The following BOD1L1 variants were observed in gnomAD, a reference collection of about 807,000 sequenced individuals.
The protein encoded by BOD1L1 is biorientation of chromosomes in cell division protein 1-like 1.
Under a neutral mutation model 240.7 loss-of-function variants are expected in BOD1L1, and 86 were observed. The ratio of observed to expected loss-of-function variants is 0.36; its 90% CI spans 0.30 to 0.43. The LOEUF (loss-of-function observed/expected upper bound fraction) is 0.43, where lower values mean the gene tolerates loss of function less well. BOD1L1 is among the 20% of genes least tolerant of loss of function. BOD1L1 has a pLI of 1.00. For missense variants in BOD1L1, 3,554 were observed against 3,643.5 expected (o/e 0.98, Z 0.63); for synonymous variants, 1,268 against 1,272.3 (o/e 1.00, Z 0.07).
In BOD1L1 at chr4:13,603,169, C is replaced by G; in HGVS notation, c.3731G>C (p.Ser1244Thr). The change falls in exon 10 of 26, where the codon AGT becomes ACT. Residue 1244 changes from serine to threonine, a missense_variant. Physicochemically the swap from Ser to Thr is moderately conservative, Grantham distance 58. This residue lies in a region of BOD1L1 where 3,393 missense variants were observed against 3,427.1 expected (regional missense o/e 0.99). Coordinates refer to ENST00000040738, the MANE Select transcript of BOD1L1 (RefSeq NM_148894.3). ...TACCCTATCATTTTCTGATGGGGCACTCAGTAACATTCTATGAACAGTTTC... is the reference window on the plus strand; with the variant it reads ...TACCCTATCATTTTCTGATGGGGCAGTCAGTAACATTCTATGAACAGTTTC... Reference protein sequence around the residue: ...DSETVHRMLLSAPSENDRVQK... With the variant: ...DSETVHRMLLTAPSENDRVQK... 6.2e-7 allele frequency: 1 copy of G among 1,614,046 alleles called. No homozygotes were observed. The highest frequency in any genetic ancestry group is 2.2e-5 in the East Asian group (1 of 44,886).
At chr4:13,598,915 T>C (rs759579862) in intron 10 of BOD1L1, 31 bp downstream of exon 10, 3 of 1,557,078 alleles carry the variant, frequency 1.9e-6, no homozygotes, top group Non-Finnish European at 2.6e-6. Flanking sequence ...CTTGTAAATA[T>C]TAAAATTTGC....
At chr4:13,579,218 T>A (rs1296172819) in intron 22 of BOD1L1, among the ~76,000 whole-genome samples, 3 of 152,144 alleles carry the variant, frequency 2.0e-5, no homozygotes, top group Admixed American at 2.0e-4. Context: ...TTAATTGGAG[T>A]CCTTAAAGGG....
At chr4:13,611,703 T>C (rs1716183298) in intron 5 of BOD1L1, among the ~76,000 whole-genome samples, 1 of 152,242 alleles carries the variant, frequency 6.6e-6, no homozygotes, top group African/African-American at 2.4e-5. Context: ...AGAGTTCTCT[T>C]GACAAACAAT....
At position 13,579,999 on chromosome 4, in the gene BOD1L1, A is replaced by C. The variant is rs202241285; in HGVS notation, c.8704-26T>G. Reference sequence around the variant, plus strand: ...CTATGTTTAAATAAACAAACAAAAAAAAATTTTAAATCAGCAGTTTATAAT... The same window carrying C: ...CTATGTTTAAATAAACAAACAAAAACAAATTTTAAATCAGCAGTTTATAAT... On this transcript the variant is annotated intron_variant, in intron 21 of 25. Coordinates refer to ENST00000040738, the MANE Select transcript of BOD1L1 (RefSeq NM_148894.3). The C allele has an allele frequency of 6.9e-4, 1,047 of 1,512,018 alleles. 1 individual carries two copies. The highest frequency in any genetic ancestry group is 8.5e-4 in the Non-Finnish European group (945 of 1,111,888). The allele number at this position is 1,512,018 out of a possible 1,614,324, so 93.7% of individuals were successfully genotyped here.
intron 17 of BOD1L1, among the ~76,000 whole-genome samples, chr4:13,583,425 T>G (rs1025662909): frequency 2.6e-5 from 4 of 152,224 alleles, no homozygotes; most frequent in African/African-American, 9.6e-5. Flanking sequence ...AAATATATTC[T>G]TGTGGTTCAA....
chr4:13,592,001 G>A, intron 12 of BOD1L1, 35 bp from the exon 13 acceptor site: 1 of 1,473,118 alleles, frequency 6.8e-7, no homozygotes, highest in Non-Finnish European at 9.1e-7. Flanking sequence ...TAAAGAAACT[G>A]AATATTGTTT....
intron 6 of BOD1L1, 41 bp from the exon 7 acceptor site, chr4:13,609,447 CAAAAACACACTGAAAAA>C: frequency 4.9e-6 from 6 of 1,212,960 alleles, no homozygotes; most frequent in Non-Finnish European, 6.7e-6. Flanking sequence ...TAGGCAAAGG[CAAAAACACACTGAAAAA>C]TTGTATTTTT....
intron 13 of BOD1L1, 52 bp from the exon 14 acceptor site, chr4:13,590,498 G>C: frequency 1.1e-6 from 1 of 945,700 alleles, no homozygotes; most frequent in Non-Finnish European, 1.5e-6. Context: ...AAAATTTAAA[G>C]GCAAAAAGAA....
At position 13,601,466 on chromosome 4, in the gene BOD1L1, T is replaced by C. The variant is rs1312669826; in HGVS notation, c.5434A>G (p.Ser1812Gly). 2 of 1,614,074 alleles carry C rather than the reference T, an allele frequency of 1.2e-6. No individual in the cohort carries two copies. The highest frequency in any genetic ancestry group is 4.5e-5 in the East Asian group (2 of 44,890). Residue 1812 changes from serine (S) to glycine (G), a missense_variant, in exon 10 of 26, where the codon AGC (serine) becomes GGC (glycine). Around this residue, in one of 2 missense-constraint regions of BOD1L1, gnomAD observed 3,393 missense variants for 3,427.1 expected, o/e 0.99. Coordinates refer to ENST00000040738, the MANE Select transcript of BOD1L1 (RefSeq NM_148894.3). ...GAACTTATAGCAAAGCCTTCGCTGC[T>C]ATCTTCTGAACCTGTGCAACTTGCT... is the stretch of plus-strand genomic sequence containing the variant. ...GPASCTGSED[S>G]SEGFAISSES...
intron 5 of BOD1L1, among the ~76,000 whole-genome samples, chr4:13,612,402 G>A (rs1318835006): frequency 2.0e-5 from 3 of 152,138 alleles, no homozygotes; most frequent in Non-Finnish European, 4.4e-5. Context: ...ATAAGATATT[G>A]GTAAGAAGCA....
At position 13,569,090 on chromosome 4, in the gene BOD1L1, C is replaced by T. The variant is rs761807946; in HGVS notation, c.*921G>A. 1 of 152,098 alleles carries T rather than the reference C, an allele frequency of 6.6e-6. No homozygotes were observed. The highest frequency in any genetic ancestry group is 1.5e-5 in the Non-Finnish European group (1 of 68,000). The allele number at this position is 152,098 out of a possible 1,614,324, so 9.4% of individuals were successfully genotyped here. ...AACTGTGTATAAAACAACATAAAAT[C>T]CTGAAACTGGATAGACAGGAGGGAC... On this transcript the variant is annotated 3_prime_UTR_variant, in exon 26 of 26. Transcript: ENST00000040738.
chr4:13,591,241 C>T (rs911623875), intron 13 of BOD1L1, among the ~76,000 whole-genome samples: 4 of 152,272 alleles, frequency 2.6e-5, no homozygotes, highest in African/African-American at 9.6e-5. Context: ...ACTTGAACCA[C>T]ACCAAGTGGT....
At chr4:13,614,986 A>T (rs1186493907) in intron 3 of BOD1L1, among the ~76,000 whole-genome samples, 176 bp from the exon 4 acceptor site, 3 of 152,018 alleles carry the variant, frequency 2.0e-5, no homozygotes, top group African/African-American at 7.3e-5. Context: ...TGAATTATCT[A>T]CCTCTCTAAT....
chr4:13,574,913 GTTTTTTT>G (rs893147036), intron 25 of BOD1L1, among the ~76,000 whole-genome samples: 1 of 38,204 alleles, frequency 2.6e-5, no homozygotes, highest in Non-Finnish European at 1.2e-4. Context: ...TTAAGTTTTT[GTTTTTTT>G]TTGTTTTTTT....
At chr4:13,622,542 T>C (rs1223393316) in intron 1 of BOD1L1, among the ~76,000 whole-genome samples, 1 of 152,186 alleles carries the variant, frequency 6.6e-6, no homozygotes, top group Non-Finnish European at 1.5e-5. Context: ...GTCCTCCCTT[T>C]GTCTTCTACT....
At chr4:13,623,138 T>C (rs986092363) in intron 1 of BOD1L1, among the ~76,000 whole-genome samples, 4 of 152,258 alleles carry the variant, frequency 2.6e-5, no homozygotes, top group African/African-American at 9.6e-5. Flanking sequence ...CCATCCCTCA[T>C]CTTGCTTTTT....
chr4:13,623,049 T>C (rs1386008044), intron 1 of BOD1L1, among the ~76,000 whole-genome samples: 1 of 152,172 alleles, frequency 6.6e-6, no homozygotes, highest in Non-Finnish European at 1.5e-5. Context: ...GCCCCTTCAA[T>C]TCCTTCACAG....
chr4:13,600,084 G>A lies in BOD1L1; in HGVS notation c.6816C>T (p.Val2272=). The A allele has an allele frequency of 6.2e-7, 1 of 1,613,560 alleles. No homozygotes were observed. Among genetic ancestry groups the A allele is most frequent in the Non-Finnish European group, 8.5e-7 (1 of 1,179,750 alleles). Residue 2272 remains valine, a synonymous_variant, in exon 10 of 26, where the codon GTC becomes GTT. Transcript: ENST00000040738. ...EDCEGPVSSA[V]PQEEGDPSVT... ...CTGAGGGGTCGCCTTCCTCTTGAGG[G>A]ACAGCACTGGACACTGGGCCCTCAC...
At position 13,627,405 on chromosome 4, in the gene BOD1L1, G is replaced by C. The variant is rs549347685; in HGVS notation, c.183C>G (p.Leu61=). The C allele has an allele frequency of 2.8e-5, 39 of 1,397,440 alleles. No homozygotes were observed. The highest frequency in any genetic ancestry group is 3.4e-5 in the Non-Finnish European group (36 of 1,062,516). 86.6% of individuals were successfully genotyped at this position (1,397,440 alleles called of 1,614,324 possible). A position where few individuals can be genotyped will look rare whatever the true frequency, so the allele number is the denominator to read the frequency against. ...PQLVAMIVNH[L]KSQGLFDQFR... Reference sequence around the variant, plus strand: ...ACTGGTCGAAGAGCCCCTGGCTCTTGAGGTGGTTCACGATCATGGCCACGA... The same window carrying C: ...ACTGGTCGAAGAGCCCCTGGCTCTTCAGGTGGTTCACGATCATGGCCACGA... The change falls in exon 1 of 26, where the codon CTC becomes CTG. Residue 61 remains leucine (L), a synonymous_variant. Coordinates refer to ENST00000040738, the MANE Select transcript of BOD1L1 (RefSeq NM_148894.3).
Sources: allele counts gnomAD v4.1 joint callset (sites outside exome capture counted in the v4.1 genomes callset), GRCh38; gene constraint gnomAD v4.1.1; regional missense constraint gnomAD v4.1.1; transcripts MANE v1.5; gene names NCBI Gene and HGNC (gene_info 2026-07-23, HGNC 2026-07-21).